The following TAF15 variants were observed in gnomAD, a reference collection of about 807,000 sequenced individuals.
TAF15 encodes TATA-box binding protein associated factor 15.
TAF15 carries 37 observed loss-of-function variants against 102.5 expected under a neutral mutation model. The observed-to-expected ratio is 0.36, with a 90% confidence interval of 0.28 to 0.47. The LOEUF is 0.47. TAF15 is among the 20% of genes least tolerant of loss of function. The pLI, the probability that TAF15 is intolerant of heterozygous loss-of-function variation, is 0.99. For synonymous variants in TAF15, 273 were observed against 259.2 expected (o/e 1.05, Z -0.51); for missense variants, 652 against 760.7 (o/e 0.86, Z 1.68).
chr17:35,846,984 A>G lies in TAF15; in HGVS notation c.*39A>G, dbSNP rs1166479350. 9 of 1,604,844 alleles carry G rather than the reference A, an allele frequency of 5.6e-6. No individual in the cohort carries two copies. The highest frequency in any genetic ancestry group is 1.7e-5 in the Admixed American group (1 of 59,702). ...TGTTCCTTTGTCTCTGACATGATCCATAGTGAAATTGCCAGAGTTTTGCCT... is the reference window on the plus strand; with the variant it reads ...TGTTCCTTTGTCTCTGACATGATCCGTAGTGAAATTGCCAGAGTTTTGCCT... On this transcript the variant is annotated 3_prime_UTR_variant, in exon 16 of 16. Transcript: ENST00000605844.
intron 7 of TAF15, among the ~76,000 whole-genome samples, chr17:35,829,444 A>G (rs2087371259): frequency 6.6e-6 from 1 of 151,162 alleles, no homozygotes; most frequent in African/African-American, 2.4e-5. Context: ...CATCCTGGCT[A>G]ACATGGTGAA....
chr17:35,822,268 G>A (rs1217763192), intron 5 of TAF15, among the ~76,000 whole-genome samples: 1 of 151,236 alleles, frequency 6.6e-6, no homozygotes, highest in African/African-American at 2.4e-5. Context: ...TTGAACCCAT[G>A]AGGTGGAGGT....
At chr17:35,840,726 C>T (rs576430082) in intron 11 of TAF15, among the ~76,000 whole-genome samples, 41 of 151,774 alleles carry the variant, frequency 2.7e-4, no homozygotes, top group Non-Finnish European at 5.4e-4. Context: ...CAGCCAGGCG[C>T]GGTGGTGAGC....
At position 35,844,776 on chromosome 17, in the gene TAF15, G is replaced by A. The variant is rs748888576; in HGVS notation, c.1477G>A (p.Gly493Ser). 3 of 1,612,082 alleles carry A rather than the reference G, an allele frequency of 1.9e-6. No homozygotes were observed. Among genetic ancestry groups the A allele is most frequent in the Non-Finnish European group, 2.5e-6 (3 of 1,179,094 alleles). ...TGGCTATGGAGGAGACCGAGGTGGA[G>A]GCTATGGTGGAGACCGAGGAGGCTA... is the stretch of plus-strand genomic sequence containing the variant. ...RGGYGGDRGGGYGGDRGGYGG... is the reference protein window; with the variant it reads ...RGGYGGDRGGSYGGDRGGYGG... The change falls in exon 15 of 16, where the codon GGC (glycine) becomes AGC (serine). Residue 493 changes from glycine (G) to serine (S), a missense_variant. This residue lies in a region of TAF15 where 368 missense variants were observed against 367.5 expected (regional missense o/e 1.00). Transcript: ENST00000605844.
chr17:35,846,181 A>C (rs931056306), intron 15 of TAF15, among the ~76,000 whole-genome samples: 1 of 152,220 alleles, frequency 6.6e-6, no homozygotes, highest in East Asian at 1.9e-4. Flanking sequence ...GTTGGGAAGC[A>C]GACTGTCTGG....
At chr17:35,834,109 CAAAGT>C (rs1392652300) in intron 8 of TAF15, among the ~76,000 whole-genome samples, 168 bp downstream of exon 8, 1 of 151,408 alleles carries the variant, frequency 6.6e-6, no homozygotes, top group South Asian at 2.1e-4. Context: ...ATATATATAT[CAAAGT>C]AAACATTAAA....
In TAF15 at chr17:35,842,493, A is replaced by G. The variant is rs4251774; in HGVS notation, c.1006+34A>G. The G allele has an allele frequency of 9.2e-3, 14,146 of 1,534,726 alleles. 68 individuals are homozygous for G. Among genetic ancestry groups the G allele is most frequent in the Non-Finnish European group, 0.011 (12,303 of 1,108,860 alleles). On this transcript the variant is annotated intron_variant, in intron 12 of 15. Transcript: ENST00000605844. ...CTTGCTGCGTACAGTCCTGGATACT[A>G]TCCAAGGGTTTAAGTTTGAGTTCAT...
At chr17:35,837,775 C>G (rs763665899) in intron 10 of TAF15, among the ~76,000 whole-genome samples, 2 of 151,216 alleles carry the variant, frequency 1.3e-5, no homozygotes, top group Non-Finnish European at 2.9e-5. Context: ...TGCAGTGAGC[C>G]GAGATTGTGC....
chr17:35,845,155 G>A, intron 15 of TAF15, 117 bp downstream of exon 15: 3 of 1,278,170 alleles, frequency 2.3e-6, no homozygotes, highest in Middle Eastern at 2.6e-4. Flanking sequence ...GTTCTCTCAG[G>A]ATGGAGAAGA....
At chr17:35,821,065 G>A (rs1429782624) in intron 5 of TAF15, among the ~76,000 whole-genome samples, 1 of 152,180 alleles carries the variant, frequency 6.6e-6, no homozygotes, top group Admixed American at 6.5e-5. Context: ...ATACCACTAT[G>A]AAATAGTGTC....
In TAF15 at chr17:35,817,699, C is replaced by A. The variant is rs115282214; in HGVS notation, c.8-17C>A. The A allele has an allele frequency of 9.1e-4, 1,465 of 1,611,442 alleles. 4 individuals are homozygous for A. In the African/African-American group the frequency reaches 0.015, roughly 16 times the overall value. On this transcript the variant is annotated splice_polypyrimidine_tract_variant and intron_variant, in intron 1 of 15. Transcript: ENST00000605844. Reference sequence around the variant, plus strand: ...ATAATTTTAAATAAGATTTAAAATTCTTTTTATGTGTTCTAGATTCTGGAA... The same window carrying A: ...ATAATTTTAAATAAGATTTAAAATTATTTTTATGTGTTCTAGATTCTGGAA...
At chr17:35,819,542 G>C (rs751030883) in intron 2 of TAF15, among the ~76,000 whole-genome samples, 1 of 152,144 alleles carries the variant, frequency 6.6e-6, no homozygotes, top group Non-Finnish European at 1.5e-5. Flanking sequence ...TGGACTTCTA[G>C]TGCCTCCCTG....
In TAF15 at chr17:35,844,351, C is replaced by T; in HGVS notation, c.1160C>T (p.Ser387Phe). ...NQCNEPRPED[S>F]RPSGGDFRGR... ...TGCAATGAGCCTAGACCAGAGGACT[C>T]TCGTCCCTCAGGAGGAGGTGGGTCA... is the stretch of plus-strand genomic sequence containing the variant. The change falls in exon 14 of 16, where the codon TCT becomes TTT. Residue 387 changes from serine (S) to phenylalanine (F), a missense_variant. Physicochemically the swap from Ser to Phe is radical, Grantham distance 155. Transcript: ENST00000605844. The T allele has an allele frequency of 6.2e-7, 1 of 1,614,238 alleles. No individual in the cohort carries two copies. Among genetic ancestry groups the T allele is most frequent in the Non-Finnish European group, 8.5e-7 (1 of 1,180,036 alleles).
At chr17:35,831,862 C>G (rs1039171773) in intron 7 of TAF15, among the ~76,000 whole-genome samples, 1 of 151,580 alleles carries the variant, frequency 6.6e-6, no homozygotes, top group Non-Finnish European at 1.5e-5. Flanking sequence ...GCGGGCAGAT[C>G]ACGAGGTCAG....
chr17:35,819,927 T>C, intron 2 of TAF15, 97 bp from the exon 3 acceptor site: 1 of 1,031,290 alleles, frequency 9.7e-7, no homozygotes, highest in Non-Finnish European at 1.5e-6. Context: ...CAAAGAAGCT[T>C]GTATTTGAGT....
At chr17:35,837,565 C>A (rs2087491353) in intron 10 of TAF15, among the ~76,000 whole-genome samples, 1 of 150,252 alleles carries the variant, frequency 6.7e-6, no homozygotes, top group Non-Finnish European at 1.5e-5. Context: ...TGGTGGCTCA[C>A]ACCTGTAATC....
Position 35,844,342 on chromosome 17 carries a change from C to G in TAF15, c.1151C>G (p.Pro384Arg). Residue 384 changes from proline to arginine, a missense_variant, in exon 14 of 16, where the codon CCA becomes CGA. Transcript: ENST00000605844. ...NSCNQCNEPRPEDSRPSGGDF... is the reference protein window; with the variant it reads ...NSCNQCNEPRREDSRPSGGDF... ...TGCAATCAGTGCAATGAGCCTAGAC[C>G]AGAGGACTCTCGTCCCTCAGGAGGA... 1 of 1,614,200 alleles carries G rather than the reference C, an allele frequency of 6.2e-7. No individual in the cohort carries two copies. The highest frequency in any genetic ancestry group is 8.5e-7 in the Non-Finnish European group (1 of 1,180,032).
chr17:35,846,870 T>C (rs1482454220), intron 15 of TAF15, 36 bp from the exon 16 acceptor site: 1 of 1,613,604 alleles, frequency 6.2e-7, no homozygotes, highest in African/African-American at 1.3e-5. Flanking sequence ...CGTAGAAAAT[T>C]AGAATTTAGT....
chr17:35,834,074 A>C, intron 8 of TAF15, 133 bp downstream of exon 8: 1 of 634,002 alleles, frequency 1.6e-6, no homozygotes, highest in African/African-American at 1.9e-5. Flanking sequence ...GCTTTAAAAA[A>C]AATTTTATAT....
Sources: allele counts gnomAD v4.1 joint callset (sites outside exome capture counted in the v4.1 genomes callset), GRCh38; gene constraint gnomAD v4.1.1; regional missense constraint gnomAD v4.1.1; transcripts MANE v1.5; gene names NCBI Gene and HGNC (gene_info 2026-07-23, HGNC 2026-07-21).